MYO9A: variants seen among roughly 807,000 people sequenced by gnomAD.
MYO9A encodes the protein myosin IXA.
Under a neutral mutation model 293.3 loss-of-function variants are expected in MYO9A, and 103 were observed. The ratio of observed to expected loss-of-function variants is 0.35; its 90% CI spans 0.30 to 0.41. The LOEUF is 0.41. MYO9A is among the 10% of genes least tolerant of loss of function. The pLI is 1.00. For synonymous variants in MYO9A, 1,001 were observed against 1,035.7 expected, an observed-to-expected ratio of 0.97 and a Z score of 0.64; for missense variants, 2,685 against 3,033.0, an observed-to-expected ratio of 0.89 and a Z score of 2.69.
intron 1 of MYO9A, among the ~76,000 whole-genome samples, chr15:72,092,906 T>A (rs1383705362): frequency 6.9e-6 from 1 of 145,902 alleles, no homozygotes; most frequent in African/African-American, 2.6e-5. Context: ...GCCACCACCT[T>A]ACTTACACAC....
rs1372171290 is a variant in MYO9A, at chr15:71,826,975, G to C, written c.7252C>G (p.Gln2418Glu). 6.2e-7 allele frequency: 1 copy of C among 1,613,446 alleles called. No homozygotes were observed. The highest frequency in any genetic ancestry group is 8.5e-7 in the Non-Finnish European group (1 of 1,179,764). The part of the protein sequence containing the change: ...KSEPSSKLRK[Q>E]LKKQQDSLDV... ...AAAGAGTCTTGCTGCTTTTTAAGTT[G>C]CTTTCGCAACTTGCTGGAAGGTTCA... Residue 2418 changes from glutamine to glutamate, a missense_variant, in exon 42 of 42, where the codon CAA becomes GAA. Physicochemically the swap from Gln to Glu is conservative, Grantham distance 29 (BLOSUM62 2). Around this residue, in one of 10 missense-constraint regions of MYO9A, gnomAD observed 350 missense variants for 328.9 expected, o/e 1.06. Coordinates refer to ENST00000356056, the MANE Select transcript of MYO9A (RefSeq NM_006901.4).
At chr15:71,831,884 C>A (rs2054743208) in intron 39 of MYO9A, among the ~76,000 whole-genome samples, 1 of 152,032 alleles carries the variant, frequency 6.6e-6, no homozygotes, top group African/African-American at 2.4e-5. Context: ...CTGAAGGAGA[C>A]AGGAAGACAT....
At chr15:71,911,818 T>A (rs2057860112) in intron 19 of MYO9A, among the ~76,000 whole-genome samples, 1 of 152,142 alleles carries the variant, frequency 6.6e-6, no homozygotes, top group Admixed American at 6.5e-5. Context: ...AAATCTAACA[T>A]TAGCCTGCAG....
At position 72,046,451 on chromosome 15, in the gene MYO9A, T is replaced by C; in HGVS notation, c.113A>G (p.Lys38Arg). The C allele has an allele frequency of 6.2e-7, 1 of 1,614,210 alleles. No homozygotes were observed. The highest frequency in any genetic ancestry group is 1.1e-5 in the South Asian group (1 of 91,078). Reference protein sequence around the residue: ...GTIYCPIPARKNSTAAEVIES... With the variant: ...GTIYCPIPARRNSTAAEVIES... ...AATCACCTCAGCAGCTGTGGAGTTT[T>C]TTCTGGCAGGAATCGGACAGTAGAT... is the stretch of plus-strand genomic sequence containing the variant. The change falls in exon 2 of 42, where the codon AAA becomes AGA. Residue 38 changes from lysine (K) to arginine (R), a missense_variant. Lys to Arg is a conservative substitution (Grantham distance 26). Transcript: ENST00000356056.
chr15:72,052,954 G>A (rs1243711993), intron 1 of MYO9A, among the ~76,000 whole-genome samples: 3 of 144,748 alleles, frequency 2.1e-5, no homozygotes, highest in Non-Finnish European at 3.0e-5. Flanking sequence ...GGCCACAGAC[G>A]TTTCCAGCCT....
At chr15:71,880,300 C>G in intron 29 of MYO9A, 35 bp downstream of exon 29, 1 of 1,572,356 alleles carries the variant, frequency 6.4e-7, no homozygotes, top group Non-Finnish European at 8.8e-7. Flanking sequence ...ATACACAGAG[C>G]TGCTCCAGGG....
intron 8 of MYO9A, among the ~76,000 whole-genome samples, chr15:72,005,903 T>C (rs1263948815): frequency 1.3e-5 from 2 of 152,146 alleles, no homozygotes; most frequent in Non-Finnish European, 2.9e-5. Flanking sequence ...GAACCAAGAT[T>C]TGGAAGATGA....
intron 14 of MYO9A, among the ~76,000 whole-genome samples, chr15:71,954,366 A>G (rs2059130990): frequency 6.6e-6 from 1 of 151,496 alleles, no homozygotes; most frequent in Non-Finnish European, 1.5e-5. Flanking sequence ...ACGCCTGGCT[A>G]ATTTTGTTTT....
At position 71,944,008 on chromosome 15, in the gene MYO9A, C is replaced by T. The variant is rs144613920; in HGVS notation, c.2303-5081G>A. Reference sequence around the variant, plus strand: ...AGACAGTAGGAGAGCTCCAGTTGCTCCACATCCTTATCAGTTCGTATTTCA... The same window carrying T: ...AGACAGTAGGAGAGCTCCAGTTGCTTCACATCCTTATCAGTTCGTATTTCA... On this transcript the variant is annotated intron_variant, in intron 15 of 41. Transcript: ENST00000356056. Among the ~76,000 whole-genome samples, 87 of 152,246 alleles carry T rather than the reference C, an allele frequency of 5.7e-4. 2 individuals carry two copies. The East Asian group carries it at 0.016, about 28-fold the overall frequency.
intron 37 of MYO9A, among the ~76,000 whole-genome samples, chr15:71,850,765 CAAAAAAAAAAAAAAA>C (rs780727961): frequency 0.051 from 2,242 of 44,026 alleles, 33 homozygotes; most frequent in Non-Finnish European, 0.069. Flanking sequence ...AACTGTGTCT[CAAAAAAAAAAAAAAA>C]AAAAAAAAAA....
At chr15:71,924,514 T>A (rs1210760838) in intron 18 of MYO9A, among the ~76,000 whole-genome samples, 2 of 152,042 alleles carry the variant, frequency 1.3e-5, no homozygotes, top group African/African-American at 4.8e-5. Flanking sequence ...AGTGCTGGGA[T>A]TACAGGTGTG....
At chr15:72,099,084 A>G (rs771427053) in intron 1 of MYO9A, among the ~76,000 whole-genome samples, 5 of 152,186 alleles carry the variant, frequency 3.3e-5, no homozygotes, top group Non-Finnish European at 7.3e-5. Context: ...ATTTGAGCCC[A>G]GAAGTTCGAG....
chr15:71,856,723 A>C (rs2055880298), intron 34 of MYO9A, among the ~76,000 whole-genome samples: 1 of 152,188 alleles, frequency 6.6e-6, no homozygotes, highest in South Asian at 2.1e-4. Context: ...TTTCATGTCT[A>C]TTTTGACATA....
chr15:72,015,490 C>A (rs2077304597), intron 6 of MYO9A, among the ~76,000 whole-genome samples: 1 of 152,112 alleles, frequency 6.6e-6, no homozygotes, highest in Non-Finnish European at 1.5e-5. Flanking sequence ...AAAGTTGGAG[C>A]TTTGTCTCCA....
At chr15:71,904,806 AC>A (rs751743354) in intron 20 of MYO9A, 119 bp downstream of exon 20, 2 of 561,760 alleles carry the variant, frequency 3.6e-6, no homozygotes, top group Non-Finnish European at 5.8e-6. Context: ...TTTATAACAT[AC>A]TATTTTCCTT....
intron 1 of MYO9A, among the ~76,000 whole-genome samples, chr15:72,101,338 C>CGG (rs2080308331): frequency 1.3e-5 from 1 of 78,500 alleles, no homozygotes; most frequent in Admixed American, 1.3e-4. Context: ...GGAGGGAGGT[C>CGG]GGGGCGTCAG....
chr15:72,112,154 C>G (rs966180766), intron 1 of MYO9A, among the ~76,000 whole-genome samples: 5 of 151,602 alleles, frequency 3.3e-5, no homozygotes, highest in Admixed American at 2.0e-4. Context: ...CACAATCTTA[C>G]AGTTTAAGAA....
chr15:72,071,170 C>T (rs1308951187), intron 1 of MYO9A, among the ~76,000 whole-genome samples: 1 of 152,026 alleles, frequency 6.6e-6, no homozygotes, highest in Non-Finnish European at 1.5e-5. Flanking sequence ...GAGACTAGCA[C>T]CTGGAATCTA....
At chr15:71,888,995 G>A (rs1323543276) in intron 26 of MYO9A, among the ~76,000 whole-genome samples, 2 of 152,182 alleles carry the variant, frequency 1.3e-5, no homozygotes, top group African/African-American at 2.4e-5. Context: ...TGGGAAAAAA[G>A]GGAAGTATGT....
Sources: allele counts gnomAD v4.1 joint callset (sites outside exome capture counted in the v4.1 genomes callset), GRCh38; gene constraint gnomAD v4.1.1; regional missense constraint gnomAD v4.1.1; transcripts MANE v1.5; gene names NCBI Gene and HGNC (gene_info 2026-07-23, HGNC 2026-07-21).